The following GABRG2 variants were observed in gnomAD, a reference collection of about 807,000 sequenced individuals.
GABRG2 encodes gamma-aminobutyric acid type A receptor subunit gamma2.
In GABRG2, 16 loss-of-function variants were observed where a neutral mutation model predicts 56.4. That is an observed-to-expected ratio of 0.28 (90% CI 0.19 to 0.43). GABRG2 has a LOEUF of 0.43. GABRG2 is among the 20% of genes least tolerant of loss of function. GABRG2 has a pLI of 1.00. For synonymous variants in GABRG2, 208 were observed against 205.5 expected, an observed-to-expected ratio of 1.01 and a Z score of -0.10; for missense variants, 327 against 582.7, an observed-to-expected ratio of 0.56 and a Z score of 4.52.
At chr5:162,129,230 G>C (rs973579648) in intron 6 of GABRG2, 3 of 151,936 alleles carry the variant, frequency 2.0e-5, no homozygotes, top group Non-Finnish European at 4.4e-5. Context: ...CAGAAGATAA[G>C]CTACATGAAA....
intron 6 of GABRG2, among the ~76,000 whole-genome samples, chr5:162,129,802 A>G (rs772999684): frequency 2.6e-4 from 39 of 152,134 alleles, no homozygotes; most frequent in Middle Eastern, 6.8e-3. Flanking sequence ...CATATATTAC[A>G]TATGTCAATT....
chr5:162,117,688 A>C (rs1186415412), intron 6 of GABRG2, among the ~76,000 whole-genome samples: 1 of 152,178 alleles, frequency 6.6e-6, no homozygotes, highest in Non-Finnish European at 1.5e-5. Flanking sequence ...AGTAGAACTA[A>C]AGCTAATTAA....
Position 162,110,435 on chromosome 5 carries a change from A to C in GABRG2, c.769+6409A>C, listed in dbSNP as rs1186990120. Among the ~76,000 whole-genome samples the C allele has an allele frequency of 1.3e-5, 2 of 152,122 alleles. 1 individual carries two copies. Among genetic ancestry groups the C allele is most frequent in the Non-Finnish European group, 2.9e-5 (2 of 68,002 alleles). ...ACCTTCTCTGTCTACATCAATGTTT[A>C]CATATGAATAAAATGCTTCCTGAAA... On this transcript the variant is annotated intron_variant, in intron 6 of 9. Transcript: ENST00000639213.
rs200011382 is a variant in GABRG2 at position 162,093,999 on chromosome 5, G to A, written c.259+20G>A. The A allele has an allele frequency of 3.8e-4, 608 of 1,612,292 alleles. No homozygotes were observed. The highest frequency in any genetic ancestry group is 3.9e-4 in the Non-Finnish European group (456 of 1,178,754). On this transcript the variant is annotated intron_variant, in intron 2 of 9. Transcript: ENST00000639213. ...TAGGAGGTTTGTTAAAGTCTTTTGC[G>A]TTGTGCTATAGATAGGAGCACATAA... is the stretch of plus-strand genomic sequence containing the variant.
chr5:162,117,301 AT>A (rs1220105478), intron 6 of GABRG2, among the ~76,000 whole-genome samples: 1 of 152,322 alleles, frequency 6.6e-6, no homozygotes, highest in East Asian at 1.9e-4. Context: ...TACAGTTATT[AT>A]TCGGTGTTAA....
chr5:162,124,832 G>C (rs945590972), intron 6 of GABRG2, among the ~76,000 whole-genome samples: 1 of 151,754 alleles, frequency 6.6e-6, no homozygotes, highest in Non-Finnish European at 1.5e-5. Context: ...TAGAAGAATT[G>C]AAATACGCTT....
At chr5:162,083,538 GA>G in intron 1 of GABRG2, 1 of 182,970 alleles carries the variant, frequency 5.5e-6, no homozygotes, top group Non-Finnish European at 1.2e-5. Context: ...ATTGAGATTT[GA>G]AAATGAATGA....
intron 1 of GABRG2, among the ~76,000 whole-genome samples, chr5:162,091,488 T>A (rs1017315484): frequency 6.6e-6 from 1 of 152,206 alleles, no homozygotes; most frequent in East Asian, 1.9e-4. Flanking sequence ...TTGAGACTTA[T>A]CAGGGTTAAA....
chr5:162,076,259 G>T (rs1295362502), intron 1 of GABRG2, among the ~76,000 whole-genome samples: 1 of 152,044 alleles, frequency 6.6e-6, no homozygotes, highest in Non-Finnish European at 1.5e-5. Flanking sequence ...TGTTATTTTT[G>T]TTACTCTTAT....
At chr5:162,116,421 T>G (rs1279081973) in intron 6 of GABRG2, among the ~76,000 whole-genome samples, 3 of 151,258 alleles carry the variant, frequency 2.0e-5, no homozygotes, top group African/African-American at 7.3e-5. Flanking sequence ...GTTTCTTTAT[T>G]CTGTGGTATA....
Position 162,095,574 on chromosome 5 carries a change from A to C in GABRG2, c.327+12A>C, listed in dbSNP as rs188717038. On this transcript the variant is annotated intron_variant, in intron 3 of 9. Coordinates refer to ENST00000639213, the MANE Select transcript of GABRG2 (RefSeq NM_198904.4). ...ACGCTATCAATATGGTGAGTTTCCA[A>C]ATAAAATTCTTTGTCTGTTTTATTA... 18 of 1,570,454 alleles carry C rather than the reference A, an allele frequency of 1.1e-5. No homozygotes were observed. Among genetic ancestry groups the C allele is most frequent in the Non-Finnish European group, 1.6e-5 (18 of 1,141,584 alleles).
At position 162,153,065 on chromosome 5, in the gene GABRG2, T is replaced by A. The variant is rs756769488; in HGVS notation, c.1153-28T>A. 3 of 1,613,742 alleles carry A rather than the reference T, an allele frequency of 1.9e-6. No homozygotes were observed. In the South Asian group the frequency reaches 3.3e-5, roughly 18 times the overall value. On this transcript the variant is annotated intron_variant, in intron 9 of 9. Transcript: ENST00000639213. ...GGATCTCTCGAGAACAACTAACTGA[T>A]CCCTCTCCTTCCCTACCCTCGTCCC...
At chr5:162,126,850 C>T (rs1763373302) in intron 6 of GABRG2, among the ~76,000 whole-genome samples, 1 of 152,000 alleles carries the variant, frequency 6.6e-6, no homozygotes, top group Admixed American at 6.6e-5. Flanking sequence ...AGGCACTTTG[C>T]AATCTGGAAC....
At chr5:162,122,059 A>C (rs534835259) in intron 6 of GABRG2, among the ~76,000 whole-genome samples, 1 of 152,136 alleles carries the variant, frequency 6.6e-6, no homozygotes, top group East Asian at 1.9e-4. Flanking sequence ...ACTTTAAATT[A>C]CATAAGAAGC....
At chr5:162,106,716 A>T (rs1397980425) in intron 6 of GABRG2, among the ~76,000 whole-genome samples, 1 of 152,170 alleles carries the variant, frequency 6.6e-6, no homozygotes, top group African/African-American at 2.4e-5. Flanking sequence ...CACATAGCTT[A>T]GTGAAGGATT....
At chr5:162,109,420 A>ATATATTTATT (rs1424412323) in intron 6 of GABRG2, among the ~76,000 whole-genome samples, 24 of 116,130 alleles carry the variant, frequency 2.1e-4, no homozygotes, top group African/African-American at 6.2e-4. Context: ...ATATATATAT[A>ATATATTTATT]TATTTATTTA....
At chr5:162,142,084 A>C (rs2113597757) in intron 6 of GABRG2, 80 bp from the exon 7 acceptor site, 1 of 1,459,650 alleles carries the variant, frequency 6.9e-7, no homozygotes, top group Middle Eastern at 1.9e-4. Flanking sequence ...TGTGTGCATA[A>C]CCATTAAATA....
chr5:162,153,595 G>A lies in GABRG2; in HGVS notation c.*227G>A, dbSNP rs1461372277. On this transcript the variant is annotated 3_prime_UTR_variant, in exon 10 of 10. Transcript: ENST00000639213. ...CTGTGTTTCAAACCTGCAAGGCAAA[G>A]TAAAATTAGAGCAAGAACATTCAAA... The A allele has an allele frequency of 1.7e-6, 1 of 601,948 alleles. No homozygotes were observed. Among genetic ancestry groups the A allele is most frequent in the East Asian group, 2.8e-5 (1 of 35,818 alleles). 37.3% of individuals were successfully genotyped at this position (601,948 alleles called of 1,614,324 possible). A position where few individuals can be genotyped will look rare whatever the true frequency, so the allele number is the denominator to read the frequency against.
At chr5:162,106,018 C>G (rs181220123) in intron 6 of GABRG2, among the ~76,000 whole-genome samples, 102 of 151,996 alleles carry the variant, frequency 6.7e-4, no homozygotes, top group Non-Finnish European at 1.3e-3. Flanking sequence ...GTATGAAGAA[C>G]TAATGGTGGA....
Sources: allele counts gnomAD v4.1 joint callset (sites outside exome capture counted in the v4.1 genomes callset), GRCh38; gene constraint gnomAD v4.1.1; transcripts MANE v1.5; gene names NCBI Gene and HGNC (gene_info 2026-07-23, HGNC 2026-07-21).